The following MAGI2 variants were observed in gnomAD, a reference collection of about 807,000 sequenced individuals.
The protein encoded by MAGI2 is membrane associated guanylate kinase, WW and PDZ domain containing 2, also known as membrane-associated guanylate kinase, WW and PDZ domain-containing protein 2.
MAGI2 carries 35 observed loss-of-function variants against 133.3 expected under a neutral mutation model. The ratio of observed to expected loss-of-function variants is 0.26; its 90% CI spans 0.20 to 0.35. MAGI2 has a LOEUF of 0.35. Among genes scored for constraint, MAGI2 ranks in the 10% least tolerant of loss-of-function variants. The pLI, the probability that MAGI2 is intolerant of heterozygous loss-of-function variation, is 1.00. For missense variants in MAGI2, 1,636 were observed against 1,863.4 expected (o/e 0.88, Z 2.25); for synonymous variants, 729 against 710.6 (o/e 1.03, Z -0.41).
In MAGI2 at chr7:78,194,977, G is replaced by A; in HGVS notation, c.2166C>T (p.Ala722=). The A allele has an allele frequency of 6.2e-7, 1 of 1,614,128 alleles. No individual in the cohort carries two copies. Among genetic ancestry groups the A allele is most frequent in the Non-Finnish European group, 8.5e-7 (1 of 1,179,966 alleles). ...AIPQNLPFPP[A]LHRSSFPDST... ...AGTCAGGAAAGGAGCTCCTGTGAAG[G>A]GCAGGTGGGAAGGGCAGGTTCTGCG... Residue 722 remains alanine (A), a synonymous_variant, in exon 12 of 22, where the codon GCC becomes GCT. Transcript: ENST00000354212.
Position 78,219,664 on chromosome 7 carries a change from C to A in MAGI2, c.2048-18471G>T, listed in dbSNP as rs114849930. Reference sequence around the variant, plus strand: ...CAATAATGAATGTAATCTCTTCCCCCACAACTTGCCCTTCTCCAACAGTCA... The same window carrying A: ...CAATAATGAATGTAATCTCTTCCCCAACAACTTGCCCTTCTCCAACAGTCA... On this transcript the variant is annotated intron_variant, in intron 10 of 21. Transcript: ENST00000354212. 4.5e-3 allele frequency among the ~76,000 whole-genome samples: 685 copies of A among 152,302 alleles called. 5 individuals are homozygous for A. Among genetic ancestry groups the A allele is most frequent in the African/African-American group, 0.014 (567 of 41,556 alleles).
At chr7:78,302,640 G>A (rs529984068) in intron 9 of MAGI2, among the ~76,000 whole-genome samples, 101 of 152,272 alleles carry the variant, frequency 6.6e-4, no homozygotes, top group African/African-American at 2.4e-3. Flanking sequence ...TTTATTGAGT[G>A]CCTAATACAT....
At chr7:78,714,182 T>G (rs1467394350) in intron 2 of MAGI2, among the ~76,000 whole-genome samples, 1 of 152,048 alleles carries the variant, frequency 6.6e-6, no homozygotes, top group Non-Finnish European at 1.5e-5. Flanking sequence ...AAAAGATACA[T>G]AAATGAACAC....
intron 3 of MAGI2, among the ~76,000 whole-genome samples, chr7:78,620,950 G>A (rs1563253560): frequency 6.6e-6 from 1 of 151,994 alleles, no homozygotes; most frequent in African/African-American, 2.4e-5. Flanking sequence ...CAGATCAGGG[G>A]AGGTAGGTTT....
At chr7:79,383,038 CAA>C (rs1199951339) in intron 1 of MAGI2, among the ~76,000 whole-genome samples, 1 of 151,482 alleles carries the variant, frequency 6.6e-6, no homozygotes, top group East Asian at 1.9e-4. Context: ...ATGACAGGAC[CAA>C]AAGAAGATAC....
chr7:78,495,054 T>A (rs1028191837), intron 5 of MAGI2, among the ~76,000 whole-genome samples: 1 of 152,160 alleles, frequency 6.6e-6, no homozygotes, highest in Non-Finnish European at 1.5e-5. Context: ...GTTTCAATAG[T>A]AGTAGTGATA....
At chr7:78,166,478 A>G (rs1164706765) in intron 15 of MAGI2, among the ~76,000 whole-genome samples, 2 of 152,216 alleles carry the variant, frequency 1.3e-5, no homozygotes, top group Non-Finnish European at 2.9e-5. Context: ...CTTTGGGTCA[A>G]GTGACATGCC....
intron 3 of MAGI2, among the ~76,000 whole-genome samples, chr7:78,532,932 G>A (rs1329371029): frequency 6.6e-6 from 1 of 151,246 alleles, no homozygotes; most frequent in Non-Finnish European, 1.5e-5. Context: ...TAAAACTCTG[G>A]AAATCAACTA....
chr7:78,147,697 C>T (rs1010279075), intron 16 of MAGI2, among the ~76,000 whole-genome samples: 4 of 152,044 alleles, frequency 2.6e-5, no homozygotes, highest in Non-Finnish European at 4.4e-5. Flanking sequence ...AGCACACTAA[C>T]GATCTTCAAT....
intron 3 of MAGI2, among the ~76,000 whole-genome samples, chr7:78,564,168 C>T (rs1800692696): frequency 6.6e-6 from 1 of 152,072 alleles, no homozygotes; most frequent in Non-Finnish European, 1.5e-5. Flanking sequence ...GGAAGAATCC[C>T]GCACAACTGC....
At chr7:78,511,516 T>C (rs1362024673) in intron 4 of MAGI2, among the ~76,000 whole-genome samples, 1 of 148,460 alleles carries the variant, frequency 6.7e-6, no homozygotes, top group African/African-American at 2.5e-5. Context: ...TAGTGACTTT[T>C]TTTTGCTCAC....
rs1790091450 is a variant in MAGI2, at chr7:78,821,335, G to T, written c.418+185755C>A. 4.6e-5 allele frequency among the ~76,000 whole-genome samples: 7 copies of T among 152,120 alleles called. No homozygotes were observed. In the Middle Eastern group the frequency reaches 0.014, roughly 296 times the overall value. ...GAAACAGCCATTGCTTTCAGGGGTT[G>T]TCTATTTCTCTCTCTATTGGGAGAA... is the stretch of plus-strand genomic sequence containing the variant. On this transcript the variant is annotated intron_variant, in intron 2 of 21. Coordinates refer to ENST00000354212, the MANE Select transcript of MAGI2 (RefSeq NM_012301.4).
chr7:78,387,755 C>G (rs954179405), intron 6 of MAGI2, among the ~76,000 whole-genome samples: 1 of 151,898 alleles, frequency 6.6e-6, no homozygotes, highest in African/African-American at 2.4e-5. Flanking sequence ...GGTGAAACCC[C>G]ATCTCTATAA....
chr7:78,392,911 TTGGCCTCC>T (rs1796026983), intron 6 of MAGI2, among the ~76,000 whole-genome samples: 1 of 152,166 alleles, frequency 6.6e-6, no homozygotes, highest in Non-Finnish European at 1.5e-5. Context: ...TTCGCCTGCC[TTGGCCTCC>T]CAAAGTGCTG....
At chr7:78,448,899 C>A (rs1395578123) in intron 6 of MAGI2, among the ~76,000 whole-genome samples, 1 of 151,918 alleles carries the variant, frequency 6.6e-6, no homozygotes, top group Non-Finnish European at 1.5e-5. Context: ...CAATGACCCA[C>A]AGAGAAGTAA....
chr7:78,330,607 C>A lies in MAGI2; in HGVS notation c.1408+13171G>T, dbSNP rs1165519941. 1.3e-4 allele frequency among the ~76,000 whole-genome samples: 3 copies of A among 23,908 alleles called. No homozygotes were observed. The Admixed American group carries it at 1.4e-3, about 11-fold the overall frequency. 15.7% of individuals were successfully genotyped at this position (23,908 alleles called of 152,430 possible). Reference sequence around the variant, plus strand: ...CACTCCAGCCTGGGCGACAGCGAGACTCCGTCTCAAAAAAAAAAAAAAAAA... The same window carrying A: ...CACTCCAGCCTGGGCGACAGCGAGAATCCGTCTCAAAAAAAAAAAAAAAAA... On this transcript the variant is annotated intron_variant, in intron 9 of 21. Transcript: ENST00000354212.
chr7:79,188,526 T>C (rs918897884), intron 1 of MAGI2, among the ~76,000 whole-genome samples: 2 of 151,838 alleles, frequency 1.3e-5, no homozygotes, highest in African/African-American at 2.4e-5. Context: ...CAGTCTATCA[T>C]TGATGGGCAT....
intron 1 of MAGI2, among the ~76,000 whole-genome samples, chr7:79,333,416 G>C (rs1317806088): frequency 6.6e-6 from 1 of 152,118 alleles, no homozygotes; most frequent in East Asian, 1.9e-4. Context: ...GTGAGCCACC[G>C]CACCCGGCCT....
rs60034232 is a variant in MAGI2 at position 78,297,986 on chromosome 7, T to TA, written c.1409-41406dup. On this transcript the variant is annotated intron_variant, in intron 9 of 21. Coordinates refer to ENST00000354212, the MANE Select transcript of MAGI2 (RefSeq NM_012301.4). The stretch of plus-strand genomic sequence containing the variant: ...TGTACCCTAGAACTTAAAGTATAAT[T>TA]AAAAAAAAAGAATTGTCTGGGAAAA... Among the ~76,000 whole-genome samples the TA allele has an allele frequency of 2.4e-3, 357 of 148,264 alleles. 1 individual carries two copies. Among genetic ancestry groups the TA allele is most frequent in the Admixed American group, 5.4e-3 (80 of 14,916 alleles).
Sources: allele counts gnomAD v4.1 joint callset (sites outside exome capture counted in the v4.1 genomes callset), GRCh38; gene constraint gnomAD v4.1.1; transcripts MANE v1.5; gene names NCBI Gene and HGNC (gene_info 2026-07-23, HGNC 2026-07-21).